Variants in DIP2A observed in about 807,000 individuals in gnomAD.
DIP2A encodes the protein DIP2 acetate--CoA ligase A.
A neutral mutation model predicts 177.4 loss-of-function variants in DIP2A; 85 were observed. That is an observed-to-expected ratio of 0.48 (90% CI 0.40 to 0.57). The LOEUF (loss-of-function observed/expected upper bound fraction) is 0.57. DIP2A is among the 20% of genes least tolerant of loss of function. The pLI, the probability that DIP2A is intolerant of heterozygous loss-of-function variation, is 0.00. For synonymous variants in DIP2A, 886 were observed against 881.8 expected (o/e 1.00, Z -0.08); for missense variants, 1,791 against 2,100.2 (o/e 0.85, Z 2.88).
At chr21:46,533,735 G>A (rs2059443909) in intron 11 of DIP2A, 88 bp downstream of exon 11, 1 of 1,564,134 alleles carries the variant, frequency 6.4e-7, no homozygotes, top group Non-Finnish European at 8.7e-7. Flanking sequence ...CATGACAGAG[G>A]TGTCTGGGTC....
At chr21:46,534,190 G>A (rs755564013) in intron 12 of DIP2A, 77 bp downstream of exon 12, 2 of 1,195,876 alleles carry the variant, frequency 1.7e-6, no homozygotes, top group South Asian at 1.3e-5. Flanking sequence ...AAGAATGTAA[G>A]TTGCTATTCT....
At chr21:46,575,792 A>G in the DIP2A span, among the ~76,000 whole-genome samples, 2 of 152,242 alleles carry the variant, frequency 1.3e-5, no homozygotes, top group Admixed American at 1.3e-4. Context: ...CATGGATTGG[A>G]AGTCTTAATA....
chr21:46,464,599 C>G (rs1568893748), intron 1 of DIP2A, among the ~76,000 whole-genome samples: 1 of 152,168 alleles, frequency 6.6e-6, no homozygotes, highest in Non-Finnish European at 1.5e-5. Context: ...CAAGGACTTT[C>G]TTGGCCTGTC....
chr21:46,513,362 CT>C (rs1460208499), intron 8 of DIP2A, among the ~76,000 whole-genome samples: 3 of 152,258 alleles, frequency 2.0e-5, no homozygotes, highest in Non-Finnish European at 2.9e-5. Flanking sequence ...AAAGGCAATC[CT>C]TTCCCCAAAG....
rs896597082 is a variant in DIP2A, at chr21:46,569,201, T to C, written c.*1579T>C. The C allele has an allele frequency of 2.4e-4, 36 of 152,212 alleles. No homozygotes were observed. The highest frequency in any genetic ancestry group is 8.4e-4 in the African/African-American group (35 of 41,460). 9.4% of individuals were successfully genotyped at this position (152,212 alleles called of 1,614,324 possible). On this transcript the variant is annotated 3_prime_UTR_variant, in exon 38 of 38. Coordinates refer to ENST00000417564, the MANE Select transcript of DIP2A (RefSeq NM_015151.4). Reference sequence around the variant, plus strand: ...CAACCAGGTTTTTCCAGAATTAGTCTGGATCAGTGCCTAACAAAGCTGTTA... The same window carrying C: ...CAACCAGGTTTTTCCAGAATTAGTCCGGATCAGTGCCTAACAAAGCTGTTA...
chr21:46,488,257 A>G (rs2056805957), intron 2 of DIP2A, among the ~76,000 whole-genome samples: 1 of 152,210 alleles, frequency 6.6e-6, no homozygotes, highest in Non-Finnish European at 1.5e-5. Context: ...AGAATAATTA[A>G]AGTTCTAAAT....
At position 46,557,639 on chromosome 21, in the gene DIP2A, C is replaced by T. The variant is rs148985441; in HGVS notation, c.3684C>T (p.Asn1228=). The T allele has an allele frequency of 1.0e-3, 1,650 of 1,613,504 alleles. 24 individuals are homozygous for T. In the East Asian group the frequency reaches 0.026, roughly 25 times the overall value. ...VLVPPLELES[N]VSLWLSAVSQ... Reference sequence around the variant, plus strand: ...TGCCCCCGCTGGAGCTGGAGAGCAACGTGTCCCTGTGGCTGTCGGCCGTCA... The same window carrying T: ...TGCCCCCGCTGGAGCTGGAGAGCAATGTGTCCCTGTGGCTGTCGGCCGTCA... Residue 1228 remains asparagine (N), a synonymous_variant, in exon 31 of 38, where the codon AAC becomes AAT. Coordinates refer to ENST00000417564, the MANE Select transcript of DIP2A (RefSeq NM_015151.4). This position sits in a 1 kb window ranked among gnomAD's most constrained non-coding sequence, Gnocchi z 6.0.
intron 32 of DIP2A, chr21:46,558,697 AC>A (rs1569111062): frequency 2.6e-6 from 1 of 391,114 alleles, no homozygotes; most frequent in Non-Finnish European, 4.7e-6. Context: ...GATTGAACTT[AC>A]TGTTTTAAGA....
At chr21:46,462,403 C>G (rs1041585839) in intron 1 of DIP2A, 1 of 152,188 alleles carries the variant, frequency 6.6e-6, no homozygotes, top group African/African-American at 2.4e-5. Context: ...CTGTGGATTA[C>G]AATGTCTCTA....
At position 46,565,769 on chromosome 21, in the gene DIP2A, G is replaced by A. The variant is rs376077244; in HGVS notation, c.4221G>A (p.Glu1407=). The change falls in exon 36 of 38, where the codon GAG becomes GAA. Residue 1407 remains glutamate (E), a synonymous_variant. Coordinates refer to ENST00000417564, the MANE Select transcript of DIP2A (RefSeq NM_015151.4). ...ATGYYTVYGE[E]ALHADHFSAR... ...GGTACTACACCGTTTACGGGGAGGAGGCGCTTCATGCCGACCACTTCAGTG... is the reference window on the plus strand; with the variant it reads ...GGTACTACACCGTTTACGGGGAGGAAGCGCTTCATGCCGACCACTTCAGTG... 1 of 1,614,012 alleles carries A rather than the reference G, an allele frequency of 6.2e-7. No individual in the cohort carries two copies.
intron 33 of DIP2A, 95 bp from the exon 34 acceptor site, chr21:46,561,653 C>T: frequency 6.8e-7 from 1 of 1,476,540 alleles, no homozygotes; most frequent in South Asian, 1.1e-5. Context: ...TCAACAGACC[C>T]TCAGAGTGAT....
chr21:46,533,656 T>C lies in DIP2A; in HGVS notation c.1429+9T>C. On this transcript the variant is annotated intron_variant, in intron 11 of 37. Coordinates refer to ENST00000417564, the MANE Select transcript of DIP2A (RefSeq NM_015151.4). Reference sequence around the variant, plus strand: ...GGTGGCAGCTTTCAAAGGTGAGGCCTCCCAAGGGAAGGGGAGTCAGTGTTC... The same window carrying C: ...GGTGGCAGCTTTCAAAGGTGAGGCCCCCCAAGGGAAGGGGAGTCAGTGTTC... The C allele has an allele frequency of 6.2e-7, 1 of 1,613,964 alleles. No individual in the cohort carries two copies. Among genetic ancestry groups the C allele is most frequent in the Non-Finnish European group, 8.5e-7 (1 of 1,179,846 alleles).
At chr21:46,546,630 C>T (rs2060053952) in intron 20 of DIP2A, among the ~76,000 whole-genome samples, 1 of 152,168 alleles carries the variant, frequency 6.6e-6, no homozygotes, top group Admixed American at 6.5e-5. Context: ...TGACGCTGCC[C>T]CAGCAGCCCC....
chr21:46,490,856 A>T, intron 3 of DIP2A, 137 bp downstream of exon 3: 1 of 1,124,066 alleles, frequency 8.9e-7, no homozygotes, highest in Non-Finnish European at 1.2e-6. Flanking sequence ...AGTAATGTAC[A>T]TCATCATATT....
intron 8 of DIP2A, among the ~76,000 whole-genome samples, chr21:46,525,235 A>T (rs539487297): frequency 6.6e-6 from 1 of 152,236 alleles, no homozygotes; most frequent in Admixed American, 6.5e-5. Flanking sequence ...CTTGGCTGAG[A>T]TCAAAACATT....
intron 5 of DIP2A, among the ~76,000 whole-genome samples, chr21:46,499,531 C>T (rs963274760): frequency 6.6e-6 from 1 of 152,180 alleles, no homozygotes; most frequent in Non-Finnish European, 1.5e-5. Context: ...CCTCCAGATA[C>T]CAGGTTAGAC....
intron 4 of DIP2A, among the ~76,000 whole-genome samples, chr21:46,497,801 T>C (rs183822967): frequency 1.3e-5 from 2 of 152,362 alleles, no homozygotes; most frequent in African/African-American, 4.8e-5. Context: ...TAAGATGATT[T>C]AGTGGTTTTG....
At chr21:46,486,313 T>C (rs867441884) in intron 2 of DIP2A, among the ~76,000 whole-genome samples, 7 of 152,130 alleles carry the variant, frequency 4.6e-5, no homozygotes, top group South Asian at 2.1e-4. Context: ...TGAGCAGTCC[T>C]CTCACTTCAG....
chr21:46,538,094 C>T (rs1258121745), intron 15 of DIP2A, among the ~76,000 whole-genome samples: 1 of 152,112 alleles, frequency 6.6e-6, no homozygotes, highest in Non-Finnish European at 1.5e-5. Context: ...GTGCAGGGGC[C>T]AGACTGAGGC....
Sources: gnomAD v4.1 joint callset for allele counts (sites outside exome capture counted in the v4.1 genomes callset) on GRCh38, gnomAD v4.1.1 for gene constraint, Gnocchi (gnomAD v3.1) non-coding constraint, MANE v1.5 for transcripts, NCBI Gene and HGNC (gene_info 2026-07-23, HGNC 2026-07-21) for gene names.